The following CFH variants were observed in gnomAD, a reference collection of about 807,000 sequenced individuals.
The protein encoded by CFH is H factor 1 (complement).
In CFH, 53 loss-of-function variants were observed where a neutral mutation model predicts 147.3. That is an observed-to-expected ratio of 0.36 (90% CI 0.29 to 0.45). The LOEUF (loss-of-function observed/expected upper bound fraction) is 0.45. Among genes scored for constraint, CFH ranks in the 20% least tolerant of loss-of-function variants. CFH has a pLI of 1.00. For synonymous variants in CFH, 536 were observed against 489.4 expected (o/e 1.10, Z -1.26); for missense variants, 1,380 against 1,498.0 (o/e 0.92, Z 1.30).
chr1:196,741,967 A>G lies in CFH; in HGVS notation c.3049A>G (p.Thr1017Ala), dbSNP rs761410504. 1 of 1,614,198 alleles carries G rather than the reference A, an allele frequency of 6.2e-7. No individual in the cohort carries two copies. The highest frequency in any genetic ancestry group is 1.1e-5 in the South Asian group (1 of 91,090). The stretch of plus-strand genomic sequence containing the variant: ...TAAGGCGGGTGAGCAAGTGACTTAC[A>G]CTTGTGCAACATATTACAAAATGGA... ...VYKAGEQVTY[T>A]CATYYKMDGA... The change falls in exon 19 of 22, where the codon ACT becomes GCT. Residue 1017 changes from threonine (T) to alanine (A), a missense_variant. Coordinates refer to ENST00000367429, the MANE Select transcript of CFH (RefSeq NM_000186.4).
intron 20 of CFH, among the ~76,000 whole-genome samples, chr1:196,744,934 C>T (rs2336223): frequency 1.3e-5 from 2 of 152,064 alleles, no homozygotes; most frequent in African/African-American, 4.8e-5. Flanking sequence ...TATTGATCCC[C>T]TTACTTGTAA....
At chr1:196,733,222 C>A (rs1007056103) in intron 15 of CFH, among the ~76,000 whole-genome samples, 1 of 152,062 alleles carries the variant, frequency 6.6e-6, no homozygotes, top group African/African-American at 2.4e-5. Flanking sequence ...ATTAGATACC[C>A]TGTGCAAGCT....
At chr1:196,659,764 C>G (rs1014576939) in intron 1 of CFH, among the ~76,000 whole-genome samples, 1 of 152,118 alleles carries the variant, frequency 6.6e-6, no homozygotes, top group Non-Finnish European at 1.5e-5. Flanking sequence ...CCACTCAGAC[C>G]TGTTTTGGAT....
intron 4 of CFH, among the ~76,000 whole-genome samples, chr1:196,676,535 G>A (rs944332196): frequency 3.3e-5 from 5 of 152,152 alleles, no homozygotes; most frequent in African/African-American, 9.6e-5. Flanking sequence ...AACTAAGGGC[G>A]AGCTCTGTTA....
chr1:196,678,929 C>T (rs532650931), intron 5 of CFH: 2 of 152,232 alleles, frequency 1.3e-5, no homozygotes, highest in Admixed American at 6.6e-5. Flanking sequence ...TGCTGAAGAA[C>T]GCGTCTTTTA....
intron 9 of CFH, chr1:196,692,292 C>G: frequency 3.4e-6 from 1 of 294,444 alleles, no homozygotes; most frequent in Non-Finnish European, 5.0e-6. Context: ...ACCTTTCACC[C>G]AAATCTTTTT....
chr1:196,726,471 G>A lies in CFH; in HGVS notation c.1875G>A (p.Glu625=), dbSNP rs376901061. 1.2e-6 allele frequency: 2 copies of A among 1,606,236 alleles called. No homozygotes were observed. ...GLSPDLPICK[E]QVQSCGPPPE... is the part of the protein sequence containing the mutation. ...ATTTACATAGTATTTCTACTATAGA[G>A]CAAGTACAATCATGTGGTCCACCTC... The change falls in exon 13 of 22, where the codon GAG becomes GAA. Residue 625 remains glutamate, a splice_region_variant and synonymous_variant. Coordinates refer to ENST00000367429, the MANE Select transcript of CFH (RefSeq NM_000186.4).
chr1:196,705,745 G>A (rs1230254086), intron 9 of CFH, among the ~76,000 whole-genome samples: 1 of 152,128 alleles, frequency 6.6e-6, no homozygotes, highest in Non-Finnish European at 1.5e-5. Flanking sequence ...CCAGGAGGCA[G>A]AAGAGTTCAC....
At chr1:196,662,482 T>C (rs1171961726) in intron 1 of CFH, among the ~76,000 whole-genome samples, 3 of 152,216 alleles carry the variant, frequency 2.0e-5, no homozygotes, top group Non-Finnish European at 4.4e-5. Flanking sequence ...TTGTTTTTCA[T>C]TTCTTCTTTC....
intron 11 of CFH, among the ~76,000 whole-genome samples, chr1:196,721,342 A>T (rs2149106343): frequency 6.6e-6 from 1 of 152,054 alleles, no homozygotes; most frequent in East Asian, 1.9e-4. Flanking sequence ...TTTAATTTTC[A>T]TGTATATGGA....
intron 15 of CFH, among the ~76,000 whole-genome samples, chr1:196,732,518 G>A (rs1056214161): frequency 4.6e-5 from 7 of 151,862 alleles, no homozygotes; most frequent in African/African-American, 1.7e-4. Context: ...TTGGAGTTAT[G>A]ATATCTTGTT....
intron 18 of CFH, 144 bp downstream of exon 18, chr1:196,740,936 G>A (rs1212840861): frequency 1.2e-6 from 1 of 829,714 alleles, no homozygotes; most frequent in African/African-American, 1.7e-5. Context: ...AATTATAGCT[G>A]TAGTAATTAA....
chr1:196,707,697 C>G (rs1279183405), intron 9 of CFH, among the ~76,000 whole-genome samples: 1 of 152,150 alleles, frequency 6.6e-6, no homozygotes, highest in African/African-American at 2.4e-5. Context: ...CTGTCTCAAC[C>G]CTATCTGAAT....
At chr1:196,652,214 T>C (rs751316476) in intron 1 of CFH, 39 bp downstream of exon 1, 28 of 1,459,518 alleles carry the variant, frequency 1.9e-5, no homozygotes, top group Non-Finnish European at 2.6e-5. Flanking sequence ...AACTGTATTA[T>C]GAAACATTTG....
chr1:196,686,048 G>A lies in CFH; in HGVS notation c.964+811G>A, dbSNP rs565482824. On this transcript the variant is annotated intron_variant, in intron 7 of 21. Coordinates refer to ENST00000367429, the MANE Select transcript of CFH (RefSeq NM_000186.4). ...AGCACATCTTACCATGGCAGAGCAG[G>A]AGAGACAGAGAGCAAAGGGGAAAGT... is the stretch of plus-strand genomic sequence containing the variant. Among the ~76,000 whole-genome samples, 9 of 152,152 alleles carry A rather than the reference G, an allele frequency of 5.9e-5. No individual in the cohort carries two copies. In the South Asian group the frequency reaches 1.9e-3, roughly 32 times the overall value.
At chr1:196,715,824 C>T in intron 11 of CFH, 55 bp downstream of exon 11, 4 of 1,482,298 alleles carry the variant, frequency 2.7e-6, no homozygotes, top group Non-Finnish European at 3.7e-6. Flanking sequence ...ATCTGTTTTC[C>T]AATTTTAAAA....
chr1:196,736,765 T>C, intron 15 of CFH, 59 bp from the exon 16 acceptor site: 4 of 888,784 alleles, frequency 4.5e-6, no homozygotes, highest in Non-Finnish European at 1.5e-6. Flanking sequence ...ATTCTAATTT[T>C]AATATTTTTA....
At chr1:196,742,217 A>G (rs560537602) in intron 19 of CFH, among the ~76,000 whole-genome samples, 166 bp downstream of exon 19, 1 of 151,786 alleles carries the variant, frequency 6.6e-6, no homozygotes, top group East Asian at 1.9e-4. Context: ...TCTACTAAAA[A>G]TACAAAAAAA....
Position 196,740,598 on chromosome 1 carries a change from A to G in CFH, c.2783-21A>G, listed in dbSNP as rs752806889. The G allele has an allele frequency of 6.8e-6, 11 of 1,611,574 alleles. No homozygotes were observed. The East Asian group carries it at 2.2e-4, about 33-fold the overall frequency. ...TAAATTTATGAGTTAGTGAAACCTG[A>G]ATTCATTCTTTTTTTTTTAGGCCTT... On this transcript the variant is annotated intron_variant, in intron 17 of 21. Coordinates refer to ENST00000367429, the MANE Select transcript of CFH (RefSeq NM_000186.4).
Sources: allele counts gnomAD v4.1 joint callset (sites outside exome capture counted in the v4.1 genomes callset), GRCh38; gene constraint gnomAD v4.1.1; transcripts MANE v1.5; gene names NCBI Gene and HGNC (gene_info 2026-07-23, HGNC 2026-07-21).